GALNT2: variants seen among roughly 807,000 people sequenced by gnomAD.
GALNT2 encodes UDP-GalNAc:polypeptide N-acetylgalactosaminyltransferase 2.
A neutral mutation model predicts 81.4 loss-of-function variants in GALNT2; 31 were observed. That is an observed-to-expected ratio of 0.38 (90% CI 0.29 to 0.51). GALNT2 has a LOEUF of 0.51. Among genes scored for constraint, GALNT2 ranks in the 20% least tolerant of loss-of-function variants. The pLI is 0.87. For synonymous variants in GALNT2, 303 were observed against 287.4 expected (o/e 1.05, Z -0.55); for missense variants, 629 against 765.7 (o/e 0.82, Z 2.11).
chr1:230,139,901 C>T (rs970282507), intron 1 of GALNT2, among the ~76,000 whole-genome samples: 1 of 152,190 alleles, frequency 6.6e-6, no homozygotes, highest in Non-Finnish European at 1.5e-5. Flanking sequence ...CTTTAATTGT[C>T]CTGTGGGCTG....
chr1:230,228,192 T>C (rs1224463884), intron 3 of GALNT2, among the ~76,000 whole-genome samples: 2 of 152,228 alleles, frequency 1.3e-5, no homozygotes, highest in Admixed American at 6.5e-5. Flanking sequence ...TGAAGGATAT[T>C]TTAAAATATC....
At position 230,145,954 on chromosome 1, in the gene GALNT2, C is replaced by T. The variant is rs143448584; in HGVS notation, c.127-32264C>T. 2.6e-5 allele frequency among the ~76,000 whole-genome samples: 4 copies of T among 152,332 alleles called. No homozygotes were observed. The East Asian group carries it at 5.8e-4, about 22-fold the overall frequency. On this transcript the variant is annotated intron_variant, in intron 1 of 15. Coordinates refer to ENST00000366672, the MANE Select transcript of GALNT2 (RefSeq NM_004481.5). ...ATTATCCTGTGATTAAGAGAGAAGA[C>T]GTTGGTCCACTCCTTGTCCAGGCTG...
chr1:230,085,723 A>G (rs1659879198), intron 1 of GALNT2, among the ~76,000 whole-genome samples: 1 of 152,230 alleles, frequency 6.6e-6, no homozygotes, highest in Non-Finnish European at 1.5e-5. Context: ...AAGATGCAGG[A>G]TTAGGCATCT....
In GALNT2 at chr1:230,212,379, C is replaced by A. The variant is rs907710173; in HGVS notation, c.374+9089C>A. On this transcript the variant is annotated intron_variant, in intron 3 of 15. Transcript: ENST00000366672. ...AACCTCCTAAGGGAAGCTGGCCACA[C>A]GTTGATGGGATGCTGAGAAATGGAG... is the stretch of plus-strand genomic sequence containing the variant. Among the ~76,000 whole-genome samples, 119 of 152,158 alleles carry A rather than the reference C, an allele frequency of 7.8e-4. 1 individual carries two copies. Among genetic ancestry groups the A allele is most frequent in the Admixed American group, 7.7e-3 (117 of 15,272 alleles).
At chr1:230,276,035 A>G (rs1218562420) in intron 15 of GALNT2, among the ~76,000 whole-genome samples, 3 of 63,314 alleles carry the variant, frequency 4.7e-5, no homozygotes, top group Non-Finnish European at 8.9e-5. Context: ...ACATATATAT[A>G]CGTATATACA....
intron 2 of GALNT2, among the ~76,000 whole-genome samples, chr1:230,188,618 T>C (rs612577): frequency 0.14 from 21,261 of 152,256 alleles, 1,603 homozygotes; most frequent in African/African-American, 0.15. Context: ...TTTATTTTCT[T>C]TTACATGCTG....
chr1:230,251,915 A>T (rs1236647756), intron 10 of GALNT2, among the ~76,000 whole-genome samples: 1 of 151,940 alleles, frequency 6.6e-6, no homozygotes, highest in South Asian at 2.1e-4. Context: ...GATTTGTTGT[A>T]AGGAGCTGCT....
At chr1:230,273,444 C>T (rs1473411992) in intron 14 of GALNT2, among the ~76,000 whole-genome samples, 1 of 152,174 alleles carries the variant, frequency 6.6e-6, no homozygotes, top group African/African-American at 2.4e-5. Context: ...TAGTGAGTCC[C>T]TGTGGGGTTT....
At chr1:230,278,977 C>T (rs900980762) in intron 15 of GALNT2, among the ~76,000 whole-genome samples, 2 of 152,214 alleles carry the variant, frequency 1.3e-5, no homozygotes, top group African/African-American at 4.8e-5. Context: ...AATTCCCCTA[C>T]ATCAAATCCT....
intron 3 of GALNT2, among the ~76,000 whole-genome samples, chr1:230,215,269 C>T (rs1478343749): frequency 1.3e-5 from 2 of 152,232 alleles, no homozygotes; most frequent in South Asian, 4.1e-4. Context: ...GAAGCTTTCA[C>T]TTGGCTCTGC....
At chr1:230,107,648 G>C (rs939178263) in intron 1 of GALNT2, among the ~76,000 whole-genome samples, 1 of 151,366 alleles carries the variant, frequency 6.6e-6, no homozygotes, top group Non-Finnish European at 1.5e-5. Context: ...GTGTGTGGTT[G>C]GTTGGTTGGT....
chr1:230,127,757 G>A (rs995220340), intron 1 of GALNT2, among the ~76,000 whole-genome samples: 5 of 151,756 alleles, frequency 3.3e-5, no homozygotes, highest in Non-Finnish European at 5.9e-5. Flanking sequence ...TCAGTGATAC[G>A]CTCCCGTGCT....
intron 2 of GALNT2, 50 bp from the exon 3 acceptor site, chr1:230,203,087 C>A (rs1663951330): frequency 1.3e-6 from 2 of 1,571,968 alleles, no homozygotes; most frequent in Non-Finnish European, 8.7e-7. Flanking sequence ...CTGTGATGAG[C>A]ACTTGGTCAC....
intron 1 of GALNT2, among the ~76,000 whole-genome samples, chr1:230,120,754 C>T (rs1265876648): frequency 6.6e-6 from 1 of 152,198 alleles, no homozygotes. Flanking sequence ...TCCGCACACA[C>T]TAAATGCCCT....
chr1:230,112,777 G>C (rs1377962881), intron 1 of GALNT2, among the ~76,000 whole-genome samples: 3 of 125,554 alleles, frequency 2.4e-5, no homozygotes, highest in Non-Finnish European at 5.0e-5. Flanking sequence ...GGGGTAGGTG[G>C]CACAGTGTGT....
Position 230,243,474 on chromosome 1 carries a change from T to C in GALNT2, c.729+47T>C. ...GGGGTGTCAGGTCGTGGGTGGTTGG[T>C]AGAGGGGACAGAAGGGAGCATGGTC... On this transcript the variant is annotated intron_variant, in intron 7 of 15. Coordinates refer to ENST00000366672, the MANE Select transcript of GALNT2 (RefSeq NM_004481.5). The surrounding 1 kb of genome is among the most constrained non-coding windows in gnomAD (Gnocchi z 4.2). The C allele has an allele frequency of 6.3e-7, 1 of 1,599,396 alleles. No individual in the cohort carries two copies. The highest frequency in any genetic ancestry group is 8.5e-7 in the Non-Finnish European group (1 of 1,177,398).
chr1:230,275,696 C>T lies in GALNT2; in HGVS notation c.1560+1132C>T, dbSNP rs1558174334. On this transcript the variant is annotated intron_variant, in intron 15 of 15. Transcript: ENST00000366672. This position sits in a 1 kb window ranked among gnomAD's most constrained non-coding sequence, Gnocchi z 5.5. Reference sequence around the variant, plus strand: ...CACATGTATACATATGTAAACACCACATATATATACACACCACATATACAC... The same window carrying T: ...CACATGTATACATATGTAAACACCATATATATATACACACCACATATACAC... Among the ~76,000 whole-genome samples the T allele has an allele frequency of 7.9e-6, 1 of 127,192 alleles. No homozygotes were observed. Among genetic ancestry groups the T allele is most frequent in the Non-Finnish European group, 1.6e-5 (1 of 61,574 alleles). 83.4% of individuals were successfully genotyped at this position (127,192 alleles called of 152,430 possible).
At chr1:230,238,178 T>G (rs1398495664) in intron 6 of GALNT2, among the ~76,000 whole-genome samples, 1 of 152,172 alleles carries the variant, frequency 6.6e-6, no homozygotes, top group Non-Finnish European at 1.5e-5. Flanking sequence ...GTGTATAAGA[T>G]CCCATCTATG....
At chr1:230,081,473 A>G (rs770332928) in intron 1 of GALNT2, among the ~76,000 whole-genome samples, 6 of 140,408 alleles carry the variant, frequency 4.3e-5, no homozygotes, top group Non-Finnish European at 7.6e-5. Flanking sequence ...TTGAGCTGTT[A>G]CTATCTGAAT....
Sources: gnomAD v4.1 joint callset for allele counts (sites outside exome capture counted in the v4.1 genomes callset) on GRCh38, gnomAD v4.1.1 for gene constraint, Gnocchi (gnomAD v3.1) non-coding constraint, MANE v1.5 for transcripts, NCBI Gene and HGNC (gene_info 2026-07-23, HGNC 2026-07-21) for gene names.